The following LTBP3 variants were observed in gnomAD, a reference collection of about 807,000 sequenced individuals.
The protein encoded by LTBP3 is latent-transforming growth factor beta-binding protein 3.
Under a neutral mutation model 159.7 loss-of-function variants are expected in LTBP3, and 97 were observed. The observed-to-expected ratio is 0.61, with a 90% CI of 0.52 to 0.72. The LOEUF is 0.72. Among genes scored for constraint, LTBP3 ranks in the 30% least tolerant of loss-of-function variants. The pLI, the probability that LTBP3 is intolerant of heterozygous loss-of-function variation, is 0.00. For missense variants in LTBP3, 1,584 were observed against 1,864.3 expected, an observed-to-expected ratio of 0.85 and a Z score of 2.77; for synonymous variants, 824 against 777.1, an observed-to-expected ratio of 1.06 and a Z score of -1.00.
chr11:65,539,039 A>G lies in LTBP3; in HGVS notation c.*41T>C, dbSNP rs957986734. ...GAGGCCGAGCTCGCGGAAATCCCTC[A>G]GTGATCACCGAGGTCTGGGCCGAGG... On this transcript the variant is annotated 3_prime_UTR_variant, in exon 28 of 28. Coordinates refer to ENST00000301873, the MANE Select transcript of LTBP3 (RefSeq NM_001130144.3). 14 of 1,335,834 alleles carry G rather than the reference A, an allele frequency of 1.0e-5. No homozygotes were observed. The highest frequency in any genetic ancestry group is 7.8e-5 in the Admixed American group (2 of 25,794). 82.7% of individuals were successfully genotyped at this position (1,335,834 alleles called of 1,614,324 possible). A position where few individuals can be genotyped will look rare whatever the true frequency, so the allele number is the denominator to read the frequency against.
rs571114252 is a variant in LTBP3 at position 65,538,857 on chromosome 11, C to T, written c.*223G>A. On this transcript the variant is annotated 3_prime_UTR_variant, in exon 28 of 28. Coordinates refer to ENST00000301873, the MANE Select transcript of LTBP3 (RefSeq NM_001130144.3). Reference sequence around the variant, plus strand: ...CTGATTTATCAGTTTCTAGGAAACACCCTCTGGGAGGAAGGCAGGCAGCGC... The same window carrying T: ...CTGATTTATCAGTTTCTAGGAAACATCCTCTGGGAGGAAGGCAGGCAGCGC... 1.3e-5 allele frequency: 11 copies of T among 873,850 alleles called. No homozygotes were observed. In the Admixed American group the frequency reaches 2.2e-4, roughly 18 times the overall value. The allele number at this position is 873,850 out of a possible 1,614,324, so 54.1% of individuals were successfully genotyped here.
intron 19 of LTBP3, 125 bp from the exon 20 acceptor site, chr11:65,541,418 G>A: frequency 1.4e-6 from 2 of 1,417,642 alleles, no homozygotes; most frequent in Admixed American, 3.5e-5. Context: ...CTGAGAGTTG[G>A]CTCTGTTCTC....
chr11:65,540,704 G>GGGCGGGGCCTACAGGAGC, intron 21 of LTBP3, 90 bp from the exon 22 acceptor site: 1 of 1,531,766 alleles, frequency 6.5e-7, no homozygotes, highest in Non-Finnish European at 8.7e-7. Flanking sequence ...AGCCATCCCC[G>GGGCGGGGCCTACAGGAGC]GGCGGGGCCT....
Position 65,541,202 on chromosome 11 carries a change from C to T in LTBP3, c.2817G>A (p.Gln939=), listed in dbSNP as rs150810114. The T allele has an allele frequency of 1.1e-4, 175 of 1,613,820 alleles. No homozygotes were observed. The African/African-American group carries it at 2.2e-3, about 21-fold the overall frequency. ...CDSVLATNVT[Q]QECCCSLGAG... is the part of the protein sequence containing the mutation. ...CCCCCAGAGAGCAGCAGCACTCCTG[C>T]TGGGTCACGTTGGTGGCCAATACGC... Residue 939 remains glutamine, a synonymous_variant, in exon 20 of 28, where the codon CAG becomes CAA. Transcript: ENST00000301873.
chr11:65,539,280 C>G, intron 27 of LTBP3, 48 bp downstream of exon 27: 1 of 1,515,146 alleles, frequency 6.6e-7, no homozygotes, highest in Non-Finnish European at 8.9e-7. Context: ...CCAGGCGGCT[C>G]CTCACCACCG....
intron 16 of LTBP3, chr11:65,545,623 T>G: frequency 4.4e-6 from 1 of 229,514 alleles, no homozygotes; most frequent in Non-Finnish European, 8.7e-6. Context: ...CTCATGGCCA[T>G]CCTGAGCCCA....
In LTBP3 at chr11:65,540,865, G is replaced by A. The variant is rs778498137; in HGVS notation, c.2977+6C>T. On this transcript the variant is annotated splice_donor_region_variant and intron_variant, in intron 21 of 27. Coordinates refer to ENST00000301873, the MANE Select transcript of LTBP3 (RefSeq NM_001130144.3). ...CGCGGGGCGGGCGGAGCCGCAGGGC[G>A]CTTACCACGGTGGGCTGGGATGCCG... 1.9e-6 allele frequency: 3 copies of A among 1,609,572 alleles called. No individual in the cohort carries two copies. Among genetic ancestry groups the A allele is most frequent in the Admixed American group, 1.7e-5 (1 of 59,378 alleles).
chr11:65,545,311 G>A (rs771581715), intron 16 of LTBP3: 27 of 207,070 alleles, frequency 1.3e-4, no homozygotes, highest in Non-Finnish European at 2.1e-4. Context: ...CCCACCTTGG[G>A]TTGGCTAAGC....
rs953592405 is a variant in LTBP3 at position 65,539,930 on chromosome 11, C to T, written c.3386-49G>A. ...GGGAGGGGCCCAAGGCAGGAACCGC[C>T]CGCCTCCGCCCCACCCCACCTGCGC... On this transcript the variant is annotated intron_variant, in intron 24 of 27. Transcript: ENST00000301873. 1.3e-5 allele frequency: 19 copies of T among 1,476,180 alleles called. No individual in the cohort carries two copies. The Admixed American group carries it at 4.0e-4, about 31-fold the overall frequency. 91.4% of individuals were successfully genotyped at this position (1,476,180 alleles called of 1,614,324 possible).
At position 65,552,196 on chromosome 11, in the gene LTBP3, T is replaced by C. The variant is rs747051048; in HGVS notation, c.1346-39A>G. 4.3e-6 allele frequency: 7 copies of C among 1,614,174 alleles called. No individual in the cohort carries two copies. In the East Asian group the frequency reaches 1.3e-4, roughly 31 times the overall value. On this transcript the variant is annotated intron_variant, in intron 7 of 27. Transcript: ENST00000301873. The surrounding 1 kb of genome is among the most constrained non-coding windows in gnomAD (Gnocchi z 6.0). Reference sequence around the variant, plus strand: ...AGCAGACACAAAAGTGAGCATTTCCTGGACAGGTGCATGGACCTATGAACC... The same window carrying C: ...AGCAGACACAAAAGTGAGCATTTCCCGGACAGGTGCATGGACCTATGAACC...
At chr11:65,549,941 AAAAG>A (rs1246508968) in intron 11 of LTBP3, among the ~76,000 whole-genome samples, 1 of 152,114 alleles carries the variant, frequency 6.6e-6, no homozygotes, top group South Asian at 2.1e-4. Flanking sequence ...TAAACAAATA[AAAAG>A]AAAGAAAGGA....
chr11:65,553,469 G>T lies in LTBP3; in HGVS notation c.926C>A (p.Thr309Asn). ...KQEDCCGSIG[T>N]AWGQSKCHKC... is the part of the protein sequence containing the mutation. ...GTGGCACTTGCTCTGGCCCCAGGCA[G>T]TGCCGATGCTACCGCAGCAGTCTTC... The change falls in exon 4 of 28, where the codon ACT (threonine) becomes AAT (asparagine). Residue 309 changes from threonine to asparagine, a missense_variant. Thr to Asn is a moderately conservative substitution (Grantham distance 65). Around this residue, in one of 6 missense-constraint regions of LTBP3, gnomAD observed 156 missense variants for 259.7 expected, o/e 0.60. Transcript: ENST00000301873. This position sits in a 1 kb window ranked among gnomAD's most constrained non-coding sequence, Gnocchi z 6.5. 6.2e-7 allele frequency: 1 copy of T among 1,612,652 alleles called. No individual in the cohort carries two copies.
At position 65,539,294 on chromosome 11, in the gene LTBP3, C is replaced by T. The variant is rs1419855769; in HGVS notation, c.3760+34G>A. ...TCCAGGCGGCTCCTCACCACCGGCCCCGCCCCTGCCCCCACCCCCGAAGCC... is the reference window on the plus strand; with the variant it reads ...TCCAGGCGGCTCCTCACCACCGGCCTCGCCCCTGCCCCCACCCCCGAAGCC... On this transcript the variant is annotated intron_variant, in intron 27 of 27. Coordinates refer to ENST00000301873, the MANE Select transcript of LTBP3 (RefSeq NM_001130144.3). 2.6e-6 allele frequency: 4 copies of T among 1,511,134 alleles called. No homozygotes were observed. In the South Asian group the frequency reaches 3.6e-5, roughly 14 times the overall value. 93.6% of individuals were successfully genotyped at this position (1,511,134 alleles called of 1,614,324 possible).
chr11:65,546,666 G>C lies in LTBP3; in HGVS notation c.2231-102C>G. On this transcript the variant is annotated intron_variant, in intron 15 of 27. Transcript: ENST00000301873. The surrounding 1 kb of genome is among the most constrained non-coding windows in gnomAD (Gnocchi z 4.0). ...TTCCCTGGAACGCGGGGTTGAGAGG[G>C]CAGCCTCTACTCCCGGAAGGCCCCG... is the stretch of plus-strand genomic sequence containing the variant. The C allele has an allele frequency of 6.4e-7, 1 of 1,559,842 alleles. No individual in the cohort carries two copies.
chr11:65,553,311 C>T lies in LTBP3; in HGVS notation c.971-55G>A, dbSNP rs551538791. 6.8e-4 allele frequency: 994 copies of T among 1,464,890 alleles called. 6 individuals are homozygous for T. The African/African-American group carries it at 0.013, about 19-fold the overall frequency. 90.7% of individuals were successfully genotyped at this position (1,464,890 alleles called of 1,614,324 possible). Reference sequence around the variant, plus strand: ...GGGTGAGGAGGGAACTGGGGAGGGGCACAGCAGATGTAGAGAGGAATCTGG... The same window carrying T: ...GGGTGAGGAGGGAACTGGGGAGGGGTACAGCAGATGTAGAGAGGAATCTGG... On this transcript the variant is annotated intron_variant, in intron 4 of 27. Transcript: ENST00000301873. The surrounding 1 kb of genome is among the most constrained non-coding windows in gnomAD (Gnocchi z 6.5).
At chr11:65,551,684 G>A (rs888831180) in intron 8 of LTBP3, 120 bp from the exon 9 acceptor site, 1 of 1,294,842 alleles carries the variant, frequency 7.7e-7, no homozygotes, top group Non-Finnish European at 1.1e-6. Flanking sequence ...ATGTCTCCAG[G>A]TCAAGGGTCA....
Position 65,553,473 on chromosome 11 carries a change from C to CCCA in LTBP3, c.921_922insTGG (p.Ile307_Gly308insTrp). 6.2e-7 allele frequency: 1 copy of CCCA among 1,612,132 alleles called. No homozygotes were observed. The highest frequency in any genetic ancestry group is 8.5e-7 in the Non-Finnish European group (1 of 1,179,868). ...CACTTGCTCTGGCCCCAGGCAGTGC[C>CCCA]GATGCTACCGCAGCAGTCTTCCTGC... On this transcript the variant is annotated inframe_insertion, in exon 4 of 28. Transcript: ENST00000301873. This position sits in a 1 kb window ranked among gnomAD's most constrained non-coding sequence, Gnocchi z 6.5.
chr11:65,539,458 A>T lies in LTBP3; in HGVS notation c.3630T>A (p.Asp1210Glu). Residue 1210 changes from aspartate to glutamate, a missense_variant and splice_region_variant, in exon 27 of 28, where the codon GAT becomes GAA. This residue lies in a region of LTBP3 where 514 missense variants were observed against 530.3 expected (regional missense o/e 0.97). Coordinates refer to ENST00000301873, the MANE Select transcript of LTBP3 (RefSeq NM_001130144.3). The stretch of plus-strand genomic sequence containing the variant: ...CTGAATCCTCCTCTGAACTGTCCTC[A>T]TCTGCGTGGCCCGGAACAATATGGA... Reference protein sequence around the residue: ...SPLLLGKPPRDEDSSEEDSDE... With the variant: ...SPLLLGKPPREEDSSEEDSDE... The T allele has an allele frequency of 1.3e-6, 2 of 1,567,840 alleles. No individual in the cohort carries two copies. The highest frequency in any genetic ancestry group is 1.2e-5 in the South Asian group (1 of 85,768).
chr11:65,547,441 TC>T lies in LTBP3; in HGVS notation c.2104del (p.Glu702LysfsTer44). ...TGGTCTGAATGGGGTCCCCTCACCTTCGCACACAGGAGGCCGGGAGGCTTTG... is the reference window on the plus strand; with the variant it reads ...TGGTCTGAATGGGGTCCCCTCACCTTGCACACAGGAGGCCGGGAGGCTTTG... ...RLKASRPPVC[E>X]DIDECRDPSS... On this transcript the variant is annotated frameshift_variant, in exon 14 of 28. Transcript: ENST00000301873. LOFTEE classifies it high-confidence loss of function. The surrounding 1 kb of genome is among the most constrained non-coding windows in gnomAD (Gnocchi z 4.6). The T allele has an allele frequency of 6.2e-7, 1 of 1,613,316 alleles. No homozygotes were observed. Among genetic ancestry groups the T allele is most frequent in the Non-Finnish European group, 8.5e-7 (1 of 1,179,912 alleles).
Sources: allele counts gnomAD v4.1 joint callset (sites outside exome capture counted in the v4.1 genomes callset), GRCh38; gene constraint gnomAD v4.1.1; regional missense constraint gnomAD v4.1.1; non-coding constraint Gnocchi (gnomAD v3.1); transcripts MANE v1.5; gene names NCBI Gene and HGNC (gene_info 2026-07-23, HGNC 2026-07-21).